The following PDZRN3 variants were observed in gnomAD, a reference collection of about 807,000 sequenced individuals.
PDZRN3 encodes the protein E3 ubiquitin-protein ligase PDZRN3.
A neutral mutation model predicts 85.7 loss-of-function variants in PDZRN3; 38 were observed. The observed-to-expected ratio is 0.44, with a 90% CI of 0.34 to 0.58. The LOEUF (loss-of-function observed/expected upper bound fraction) is 0.58, where lower values mean the gene tolerates loss of function less well. Among genes scored for constraint, PDZRN3 ranks in the 20% least tolerant of loss-of-function variants. The pLI, the probability that PDZRN3 is intolerant of heterozygous loss-of-function variation, is 0.01. For synonymous variants in PDZRN3, 759 were observed against 638.0 expected, an observed-to-expected ratio of 1.19 and a Z score of -2.86; for missense variants, 1,629 against 1,506.4, an observed-to-expected ratio of 1.08 and a Z score of -1.35.
At chr3:73,446,250 G>A (rs1702746192) in intron 3 of PDZRN3, among the ~76,000 whole-genome samples, 1 of 151,876 alleles carries the variant, frequency 6.6e-6, no homozygotes, top group African/African-American at 2.4e-5. Context: ...TTGGCGTGAG[G>A]CATTTTATTT....
intron 3 of PDZRN3, among the ~76,000 whole-genome samples, chr3:73,431,951 AC>A (rs1702439458): frequency 6.6e-6 from 1 of 152,212 alleles, no homozygotes; most frequent in South Asian, 2.1e-4. Context: ...TAGTAGAGTT[AC>A]TTTTTGGAGG....
At chr3:73,530,925 A>C (rs1575713860) in intron 3 of PDZRN3, among the ~76,000 whole-genome samples, 1 of 152,196 alleles carries the variant, frequency 6.6e-6, no homozygotes, top group East Asian at 1.9e-4. Context: ...AAAGGTTATT[A>C]CTTGACTATA....
intron 3 of PDZRN3, among the ~76,000 whole-genome samples, chr3:73,453,643 T>C (rs1702919756): frequency 6.6e-6 from 1 of 151,862 alleles, no homozygotes; most frequent in African/African-American, 2.4e-5. Flanking sequence ...AAGAATGATT[T>C]TGTAGAATTA....
Position 73,385,877 on chromosome 3 carries a change from A to G in PDZRN3, c.1519-92T>C, listed in dbSNP as rs1701370558. On this transcript the variant is annotated intron_variant, in intron 8 of 9. Transcript: ENST00000263666. ...AAATGACATTACCTTGGGGGAAAAT[A>G]TTTCTAGGGCTTCCTCCAAGAGTCA... 14 of 766,814 alleles carry G rather than the reference A, an allele frequency of 1.8e-5. No homozygotes were observed. The Admixed American group carries it at 2.1e-4, about 12-fold the overall frequency. 47.5% of individuals were successfully genotyped at this position (766,814 alleles called of 1,614,324 possible). A position where few individuals can be genotyped will look rare whatever the true frequency, so the allele number is the denominator to read the frequency against.
intron 3 of PDZRN3, among the ~76,000 whole-genome samples, chr3:73,459,132 G>C (rs1020411851): frequency 6.6e-6 from 1 of 152,156 alleles, no homozygotes. Flanking sequence ...GAGAGAATGA[G>C]TGCCAGCAAG....
chr3:73,493,584 C>T (rs1703815002), intron 3 of PDZRN3, among the ~76,000 whole-genome samples: 2 of 152,112 alleles, frequency 1.3e-5, no homozygotes, highest in South Asian at 4.1e-4. Flanking sequence ...GTAATGTGCA[C>T]CTCTTGTTTC....
chr3:73,405,738 ACCACAG>A (rs1701841568), intron 3 of PDZRN3, among the ~76,000 whole-genome samples: 1 of 152,200 alleles, frequency 6.6e-6, no homozygotes, highest in African/African-American at 2.4e-5. Context: ...TGAACACTGA[ACCACAG>A]CCTTTTCCTA....
intron 3 of PDZRN3, among the ~76,000 whole-genome samples, chr3:73,497,941 T>A (rs1202771113): frequency 6.6e-6 from 1 of 152,046 alleles, no homozygotes; most frequent in Non-Finnish European, 1.5e-5. Context: ...ATGCTGATAA[T>A]TGAAGAGAGA....
chr3:73,520,228 G>A (rs1003336464), intron 3 of PDZRN3, among the ~76,000 whole-genome samples: 1 of 152,182 alleles, frequency 6.6e-6, no homozygotes, highest in Non-Finnish European at 1.5e-5. Context: ...ACTAGGCCAG[G>A]TGTGGTGGCT....
At chr3:73,620,328 A>C (rs1702836754) in intron 1 of PDZRN3, among the ~76,000 whole-genome samples, 6 of 152,228 alleles carry the variant, frequency 3.9e-5, no homozygotes, top group Admixed American at 3.9e-4. Flanking sequence ...CAATCCAAGG[A>C]AAGTTATGTC....
chr3:73,502,415 G>C (rs1364289321), intron 3 of PDZRN3, among the ~76,000 whole-genome samples: 9 of 152,166 alleles, frequency 5.9e-5, no homozygotes, highest in South Asian at 2.1e-4. Context: ...CTAAAAGATG[G>C]GAACTGTTAG....
chr3:73,540,104 A>C (rs1704881719), intron 3 of PDZRN3, among the ~76,000 whole-genome samples: 2 of 151,536 alleles, frequency 1.3e-5, no homozygotes, highest in Admixed American at 1.3e-4. Context: ...AAAAAAAAAA[A>C]AAAAAAACAG....
At chr3:73,502,578 A>C (rs951612135) in intron 3 of PDZRN3, among the ~76,000 whole-genome samples, 1 of 152,150 alleles carries the variant, frequency 6.6e-6, no homozygotes, top group Non-Finnish European at 1.5e-5. Context: ...CCCTTGCCTT[A>C]CCCATAAGGC....
At chr3:73,468,970 T>A (rs1172929057) in intron 3 of PDZRN3, among the ~76,000 whole-genome samples, 1 of 152,176 alleles carries the variant, frequency 6.6e-6, no homozygotes, top group East Asian at 1.9e-4. Context: ...CTAATAGGTG[T>A]TCAAGTAATA....
intron 3 of PDZRN3, among the ~76,000 whole-genome samples, chr3:73,411,924 T>C (rs1246054511): frequency 6.6e-6 from 1 of 152,188 alleles, no homozygotes; most frequent in Admixed American, 6.5e-5. Flanking sequence ...CTACCTATAT[T>C]TACTCATGTA....
intron 3 of PDZRN3, among the ~76,000 whole-genome samples, chr3:73,415,429 C>A (rs996161701): frequency 6.6e-6 from 1 of 152,022 alleles, no homozygotes; most frequent in Non-Finnish European, 1.5e-5. Context: ...TCAGGTTGGA[C>A]TTTGTTTTTA....
At chr3:73,543,473 G>A (rs939678567) in intron 3 of PDZRN3, among the ~76,000 whole-genome samples, 8 of 152,226 alleles carry the variant, frequency 5.3e-5, no homozygotes, top group African/African-American at 1.9e-4. Context: ...CTTTAAATTT[G>A]TTCTTTCATG....
chr3:73,432,282 A>G (rs932921640), intron 3 of PDZRN3, among the ~76,000 whole-genome samples: 1 of 150,570 alleles, frequency 6.6e-6, no homozygotes, highest in Non-Finnish European at 1.5e-5. Flanking sequence ...CCAGATCGCC[A>G]GTGGTGAAAG....
chr3:73,432,540 C>T (rs1335106148), intron 3 of PDZRN3, among the ~76,000 whole-genome samples: 2 of 152,100 alleles, frequency 1.3e-5, no homozygotes, highest in Non-Finnish European at 2.9e-5. Flanking sequence ...TTTGTTCACC[C>T]AGGGTCATTT....
Sources: gnomAD v4.1 joint callset for allele counts (sites outside exome capture counted in the v4.1 genomes callset) on GRCh38, gnomAD v4.1.1 for gene constraint, MANE v1.5 for transcripts, NCBI Gene and HGNC (gene_info 2026-07-23, HGNC 2026-07-21) for gene names.